The following MFN1 variants were observed in gnomAD, a reference collection of about 807,000 sequenced individuals.
MFN1 encodes the protein mitofusin-1.
In MFN1, 65 loss-of-function variants were observed where a neutral mutation model predicts 92.4. The ratio of observed to expected loss-of-function variants is 0.70; its 90% confidence interval spans 0.58 to 0.86. The LOEUF (loss-of-function observed/expected upper bound fraction) is 0.86, where lower values mean the gene tolerates loss of function less well. Ranked by LOEUF, MFN1 falls within the 40% of genes least tolerant of loss-of-function variation. The probability of loss-of-function intolerance (pLI) is 0.00; values close to 1 mark genes in which losing one functional copy is unlikely to be tolerated. For synonymous variants in MFN1, 297 were observed against 300.9 expected, an observed-to-expected ratio of 0.99 and a Z score of 0.13; for missense variants, 781 against 868.0, an observed-to-expected ratio of 0.90 and a Z score of 1.26.
At chr3:179,353,724 C>T (rs1221605935) in intron 3 of MFN1, among the ~76,000 whole-genome samples, 1 of 152,240 alleles carries the variant, frequency 6.6e-6, no homozygotes. Context: ...AGCTCCATAA[C>T]TGGTTATTCA....
intron 14 of MFN1, among the ~76,000 whole-genome samples, chr3:179,380,900 TGAGGAGCAAATTG>T (rs1416433861): frequency 6.6e-6 from 1 of 151,948 alleles, no homozygotes; most frequent in African/African-American, 2.4e-5. Context: ...TTATTGATGA[TGAGGAGCAAATTG>T]GTGACTTTGA....
intron 5 of MFN1, among the ~76,000 whole-genome samples, 176 bp downstream of exon 5, chr3:179,362,658 A>G (rs182880995): frequency 5.0e-4 from 76 of 152,236 alleles, no homozygotes; most frequent in African/African-American, 1.7e-3. Flanking sequence ...AAAAGCACCA[A>G]TTCATCACTC....
At chr3:179,370,007 CCAAA>C (rs1226860886) in intron 9 of MFN1, among the ~76,000 whole-genome samples, 6 of 151,978 alleles carry the variant, frequency 3.9e-5, no homozygotes, top group African/African-American at 1.4e-4. Context: ...TTGAATTTTT[CCAAA>C]CAATCAGCTG....
Position 179,394,265 on chromosome 3 carries a change from T to C in MFN1, c.*2206T>C, listed in dbSNP as rs988161699. The C allele has an allele frequency of 2.0e-5, 3 of 152,216 alleles. No individual in the cohort carries two copies. Among genetic ancestry groups the C allele is most frequent in the African/African-American group, 7.2e-5 (3 of 41,450 alleles). The allele number at this position is 152,216 out of a possible 1,614,324, so 9.4% of individuals were successfully genotyped here. A position where few individuals can be genotyped will look rare whatever the true frequency, so the allele number is the denominator to read the frequency against. ...ATGGTTTAACAAGCCATCCAGGTGT[T>C]TCTGATGCACAGTGAAATTGGGGTA... On this transcript the variant is annotated 3_prime_UTR_variant, in exon 18 of 18. Transcript: ENST00000471841.
chr3:179,386,466 G>A lies in MFN1; in HGVS notation c.1849G>A (p.Val617Ile). 6.2e-7 allele frequency: 1 copy of A among 1,613,218 alleles called. No individual in the cohort carries two copies. Among genetic ancestry groups the A allele is most frequent in the Non-Finnish European group, 8.5e-7 (1 of 1,179,704 alleles). Residue 617 changes from valine to isoleucine, a missense_variant, in exon 16 of 18, where the codon GTT (valine) becomes ATT (isoleucine). Val to Ile is a conservative substitution (Grantham distance 29). Transcript: ENST00000471841. Reference protein sequence around the residue: ...WKTIGWKLLSVSLTMYGALYL... With the variant: ...WKTIGWKLLSISLTMYGALYL... ...AACTATAGGCTGGAAACTCCTATCT[G>A]TTTCATTAACTATGTATGGAGCTTT...
intron 17 of MFN1, among the ~76,000 whole-genome samples, chr3:179,391,570 A>C (rs1019897570): frequency 2.0e-5 from 3 of 152,192 alleles, no homozygotes; most frequent in Admixed American, 6.5e-5. Context: ...ATGGAGAGAG[A>C]GAGCCCACTC....
At chr3:179,378,290 C>T (rs770152237) in intron 12 of MFN1, 51 bp from the exon 13 acceptor site, 4 of 1,298,756 alleles carry the variant, frequency 3.1e-6, no homozygotes, top group Non-Finnish European at 4.3e-6. Context: ...TTTATAAAAA[C>T]TACATACTTT....
rs1713661147 is a variant in MFN1 at position 179,385,739 on chromosome 3, T to A, written c.1815+18T>A. On this transcript the variant is annotated intron_variant, in intron 15 of 17. Coordinates refer to ENST00000471841, the MANE Select transcript of MFN1 (RefSeq NM_033540.3). The stretch of plus-strand genomic sequence containing the variant: ...GAGGAGTGGTAAGAAACATTACTTT[T>A]AGTATAATTAAAATCGAAATGTTTG... 6.2e-7 allele frequency: 1 copy of A among 1,609,962 alleles called. No individual in the cohort carries two copies. The highest frequency in any genetic ancestry group is 2.2e-5 in the East Asian group (1 of 44,784).
In MFN1 at chr3:179,357,490, G is replaced by A. The variant is rs187917662; in HGVS notation, c.249-1350G>A. On this transcript the variant is annotated intron_variant, in intron 3 of 17. Transcript: ENST00000471841. ...ATGTTGAGCTAATGAAGGCAAGAAGGTTCCCTGGGAAGGGAGTTGGGAATG... is the reference window on the plus strand; with the variant it reads ...ATGTTGAGCTAATGAAGGCAAGAAGATTCCCTGGGAAGGGAGTTGGGAATG... Among the ~76,000 whole-genome samples, 827 of 152,278 alleles carry A rather than the reference G, an allele frequency of 5.4e-3. 7 individuals carry two copies. The highest frequency in any genetic ancestry group is 7.0e-3 in the Non-Finnish European group (476 of 68,004).
chr3:179,386,393 G>GT (rs763829692), intron 15 of MFN1, 40 bp from the exon 16 acceptor site: 2 of 1,548,350 alleles, frequency 1.3e-6, no homozygotes, highest in Non-Finnish European at 1.8e-6. Flanking sequence ...CCAAAGTGGT[G>GT]TTTTTCCTTC....
chr3:179,389,449 A>T (rs559588864), intron 16 of MFN1, among the ~76,000 whole-genome samples: 1 of 152,308 alleles, frequency 6.6e-6, no homozygotes, highest in East Asian at 1.9e-4. Context: ...CTCAGTTAAA[A>T]TAAACTAAGT....
chr3:179,389,075 A>C (rs951073446), intron 16 of MFN1, among the ~76,000 whole-genome samples: 2 of 152,246 alleles, frequency 1.3e-5, no homozygotes, highest in South Asian at 4.1e-4. Context: ...ACAAAATCAA[A>C]GTCTGAACTA....
intron 2 of MFN1, 39 bp from the exon 3 acceptor site, chr3:179,351,857 TATTC>T (rs1712159381): frequency 6.4e-7 from 1 of 1,555,406 alleles, no homozygotes; most frequent in African/African-American, 1.4e-5. Context: ...ACTAACTTAA[TATTC>T]ATTTATATCA....
chr3:179,389,877 T>G, intron 16 of MFN1, 127 bp from the exon 17 acceptor site: 3 of 794,496 alleles, frequency 3.8e-6, no homozygotes, highest in Non-Finnish European at 6.0e-6. Context: ...TTATCATTCT[T>G]AGTGTTCTGA....
chr3:179,357,838 A>G (rs530285770), intron 3 of MFN1, among the ~76,000 whole-genome samples: 64 of 152,284 alleles, frequency 4.2e-4, no homozygotes, highest in Non-Finnish European at 8.1e-4. Flanking sequence ...TCTTTGCTCC[A>G]TGGACTCTGG....
At chr3:179,357,302 T>TAA (rs1712383451) in intron 3 of MFN1, among the ~76,000 whole-genome samples, 1 of 152,204 alleles carries the variant, frequency 6.6e-6, no homozygotes, top group Admixed American at 6.5e-5. Flanking sequence ...ACAGCCATAT[T>TAA]TCTGTCCAGA....
At chr3:179,350,849 C>CTTTTTG (rs1185873298) in intron 2 of MFN1, among the ~76,000 whole-genome samples, 3 of 152,070 alleles carry the variant, frequency 2.0e-5, no homozygotes, top group African/African-American at 2.4e-5. Context: ...CCAGATGAAT[C>CTTTTTG]TTTTTGTTTT....
At chr3:179,374,731 A>G (rs1713171200) in intron 9 of MFN1, among the ~76,000 whole-genome samples, 1 of 152,174 alleles carries the variant, frequency 6.6e-6, no homozygotes, top group Non-Finnish European at 1.5e-5. Context: ...TTTTAACTCA[A>G]TGAAGTCCTT....
chr3:179,390,273 T>G, intron 17 of MFN1, 135 bp downstream of exon 17: 2 of 795,702 alleles, frequency 2.5e-6, no homozygotes, highest in Non-Finnish European at 3.6e-6. Flanking sequence ...CATATTTAAT[T>G]CCATGTGGTT....
Sources: gnomAD v4.1 joint callset for allele counts (sites outside exome capture counted in the v4.1 genomes callset) on GRCh38, gnomAD v4.1.1 for gene constraint, MANE v1.5 for transcripts, NCBI Gene and HGNC (gene_info 2026-07-23, HGNC 2026-07-21) for gene names.